The following MOBP variants were observed in gnomAD, a reference collection of about 807,000 sequenced individuals.
The protein encoded by MOBP is myelin associated oligodendrocyte basic protein.
A neutral mutation model predicts 15.0 loss-of-function variants in MOBP; 5 were observed. That is an observed-to-expected ratio of 0.33 (90% CI 0.17 to 0.70). MOBP has a LOEUF of 0.70. Among genes scored for constraint, MOBP ranks in the 30% least tolerant of loss-of-function variants. The probability of loss-of-function intolerance (pLI) is 0.67; values close to 1 mark genes in which losing one functional copy is unlikely to be tolerated. For missense variants in MOBP, 188 were observed against 257.8 expected, an observed-to-expected ratio of 0.73 and a Z score of 1.85; for synonymous variants, 88 against 99.0, an observed-to-expected ratio of 0.89 and a Z score of 0.66.
intron 1 of MOBP, among the ~76,000 whole-genome samples, chr3:39,469,275 TATA>T (rs1325578550): frequency 8.1e-6 from 1 of 123,144 alleles, no homozygotes; most frequent in Non-Finnish European, 2.0e-5. Flanking sequence ...TATGTATAGA[TATA>T]TATACATATG....
Position 39,484,050 on chromosome 3 carries a change from G to A in MOBP, c.-5+3927G>A, listed in dbSNP as rs17038941. 6.0e-3 allele frequency among the ~76,000 whole-genome samples: 911 copies of A among 152,298 alleles called. 5 individuals are homozygous for A. The highest frequency in any genetic ancestry group is 0.017 in the South Asian group (84 of 4,824). Reference sequence around the variant, plus strand: ...TCTGTCCTCAAAGAGCTCACGCTGAGATCACAGACATATAGCCACATTATT... The same window carrying A: ...TCTGTCCTCAAAGAGCTCACGCTGAAATCACAGACATATAGCCACATTATT... On this transcript the variant is annotated intron_variant, in intron 2 of 3. Transcript: ENST00000684792.
downstream of MOBP, among the ~76,000 whole-genome samples, chr3:39,516,397 C>CAGGGGT (rs2043203002): frequency 6.6e-6 from 1 of 152,096 alleles, no homozygotes; most frequent in African/African-American, 2.4e-5. Context: ...AGGCATGGAG[C>CAGGGGT]AGGGGTGCCT....
At chr3:39,512,164 C>G (rs2043128099) in intron 4 of MOBP, among the ~76,000 whole-genome samples, 1 of 152,162 alleles carries the variant, frequency 6.6e-6, no homozygotes, top group Non-Finnish European at 1.5e-5. Context: ...AACTGGTCAT[C>G]CCCATTACCA....
At chr3:39,478,922 C>T (rs1275275073) in intron 1 of MOBP, among the ~76,000 whole-genome samples, 4 of 151,834 alleles carry the variant, frequency 2.6e-5, no homozygotes, top group Non-Finnish European at 1.5e-5. Flanking sequence ...CCTCACCTCC[C>T]GGGTTCAAGC....
At chr3:39,481,171 A>G (rs1485848284) in intron 2 of MOBP, among the ~76,000 whole-genome samples, 1 of 152,224 alleles carries the variant, frequency 6.6e-6, no homozygotes, top group Non-Finnish European at 1.5e-5. Flanking sequence ...AAGAAAAACT[A>G]AAGAAAAACA....
chr3:39,505,045 A>G (rs961241200), downstream of MOBP, among the ~76,000 whole-genome samples: 8 of 152,378 alleles, frequency 5.3e-5, no homozygotes, highest in Admixed American at 1.3e-4. Flanking sequence ...TAAACATGGT[A>G]GCATTCATAA....
intron 1 of MOBP, among the ~76,000 whole-genome samples, chr3:39,476,455 T>C (rs940416911): frequency 7.2e-5 from 11 of 152,350 alleles, no homozygotes; most frequent in African/African-American, 2.6e-4. Flanking sequence ...TATTTCTGAC[T>C]CCAATCTAGC....
intron 2 of MOBP, among the ~76,000 whole-genome samples, chr3:39,482,651 CAAAAAAAAAAA>C (rs10576821): frequency 1.2e-5 from 1 of 80,400 alleles, no homozygotes; most frequent in African/African-American, 4.4e-5. Flanking sequence ...CACTCTGTCT[CAAAAAAAAAAA>C]AAAAAAAAAG....
At chr3:39,505,508 G>A (rs958458620), downstream of MOBP, among the ~76,000 whole-genome samples, 1 of 152,100 alleles carries the variant, frequency 6.6e-6, no homozygotes, top group Non-Finnish European at 1.5e-5. Flanking sequence ...CTTGAATTTT[G>A]CCCTATCTGT....
chr3:39,495,170 A>G (rs1310227701), intron 2 of MOBP, among the ~76,000 whole-genome samples: 1 of 152,206 alleles, frequency 6.6e-6, no homozygotes, highest in African/African-American at 2.4e-5. Flanking sequence ...ACGTAGAACA[A>G]GGTCATAAAG....
chr3:39,499,337 A>G (rs1383658340), intron 2 of MOBP: 1 of 152,306 alleles, frequency 6.6e-6, no homozygotes, highest in Admixed American at 6.5e-5. Context: ...TGGTCTATAC[A>G]TACCTGTCTG....
At chr3:39,484,837 A>C (rs2042678292) in intron 2 of MOBP, among the ~76,000 whole-genome samples, 1 of 152,222 alleles carries the variant, frequency 6.6e-6, no homozygotes, top group Non-Finnish European at 1.5e-5. Flanking sequence ...GAGTTTGTTC[A>C]TCAGAAAGGA....
intron 2 of MOBP, chr3:39,499,840 A>C: frequency 2.9e-6 from 1 of 345,744 alleles, no homozygotes; most frequent in Non-Finnish European, 5.7e-6. Context: ...TCTCGGGGGT[A>C]ATGCAATTCA....
chr3:39,525,896 A>AT (rs2043318049), downstream of MOBP: 2 of 152,288 alleles, frequency 1.3e-5, no homozygotes, highest in Middle Eastern at 3.2e-3. Context: ...ATTTGACTGC[A>AT]TGGAGTCTTC....
At chr3:39,518,161 T>A (rs2043225315), downstream of MOBP, among the ~76,000 whole-genome samples, 1 of 152,336 alleles carries the variant, frequency 6.6e-6, no homozygotes, top group East Asian at 1.9e-4. Context: ...AACTTCAGGC[T>A]GGGGATCTGT....
At position 39,502,982 on chromosome 3, in the gene MOBP, C is replaced by A; in HGVS notation, c.*102C>A. 4.9e-6 allele frequency: 3 copies of A among 614,946 alleles called. No homozygotes were observed. The highest frequency in any genetic ancestry group is 4.1e-5 in the South Asian group (2 of 48,586). 38.1% of individuals were successfully genotyped at this position (614,946 alleles called of 1,614,324 possible). ...CATGGCCCTCTTCAGCCTTATTACC[C>A]AACCTGTGTAATCAGCTCCCTCCAT... On this transcript the variant is annotated 3_prime_UTR_variant, in exon 4 of 4. Transcript: ENST00000684792. This position sits in a 1 kb window ranked among gnomAD's most constrained non-coding sequence, Gnocchi z 6.3.
intron 2 of MOBP, among the ~76,000 whole-genome samples, chr3:39,483,869 C>T (rs2042661464): frequency 6.6e-6 from 1 of 152,162 alleles, no homozygotes; most frequent in South Asian, 2.1e-4. Flanking sequence ...TTAAACTACC[C>T]TTGCTGAGAA....
chr3:39,496,896 T>TG, intron 2 of MOBP, among the ~76,000 whole-genome samples: 1 of 151,684 alleles, frequency 6.6e-6, no homozygotes, highest in Non-Finnish European at 1.5e-5. Flanking sequence ...CTCCCAACCT[T>TG]GGGTGATTCG....
At chr3:39,521,334 A>G (rs1220180959) in intron 3 of MOBP, among the ~76,000 whole-genome samples, 1 of 152,206 alleles carries the variant, frequency 6.6e-6, no homozygotes, top group Non-Finnish European at 1.5e-5. Flanking sequence ...TTTCTCATAC[A>G]GGGAATGCAA....
Sources: allele counts gnomAD v4.1 joint callset (sites outside exome capture counted in the v4.1 genomes callset), GRCh38; gene constraint gnomAD v4.1.1; non-coding constraint Gnocchi (gnomAD v3.1); transcripts MANE v1.5; gene names NCBI Gene and HGNC (gene_info 2026-07-23, HGNC 2026-07-21).